The following XPNPEP1 variants were observed in gnomAD, a reference collection of about 807,000 sequenced individuals.
The protein encoded by XPNPEP1 is X-prolyl aminopeptidase 1.
XPNPEP1 carries 39 observed loss-of-function variants against 92.4 expected under a neutral mutation model. The observed-to-expected ratio is 0.42, with a 90% CI of 0.33 to 0.55. The LOEUF is 0.55. XPNPEP1 is among the 20% of genes least tolerant of loss of function. The pLI, the probability that XPNPEP1 is intolerant of heterozygous loss-of-function variation, is 0.08. For missense variants in XPNPEP1, 654 were observed against 856.1 expected, an observed-to-expected ratio of 0.76 and a Z score of 2.95; for synonymous variants, 307 against 299.4, an observed-to-expected ratio of 1.03 and a Z score of -0.26.
intron 2 of XPNPEP1, among the ~76,000 whole-genome samples, chr10:109,914,642 C>T (rs1385528286): frequency 1.3e-5 from 2 of 151,718 alleles, no homozygotes; most frequent in Non-Finnish European, 2.9e-5. Flanking sequence ...ACTAAAAATA[C>T]AAAATTAGCT....
chr10:109,890,725 T>C (rs1272106374), intron 5 of XPNPEP1, among the ~76,000 whole-genome samples: 5 of 152,134 alleles, frequency 3.3e-5, no homozygotes, highest in African/African-American at 1.2e-4. Context: ...CTTAATCCAA[T>C]GCCAAGACAA....
chr10:109,866,162 G>C (rs891360992), intron 20 of XPNPEP1, among the ~76,000 whole-genome samples: 6 of 152,336 alleles, frequency 3.9e-5, no homozygotes, highest in African/African-American at 1.4e-4. Context: ...TGTCATAAAT[G>C]AGTCAAAGGC....
chr10:109,908,119 AC>A (rs1332687801), intron 2 of XPNPEP1, among the ~76,000 whole-genome samples: 2 of 152,234 alleles, frequency 1.3e-5, no homozygotes, highest in Admixed American at 6.5e-5. Context: ...AGATAAGTAC[AC>A]AGAAATTTAG....
rs571442747 is a variant in XPNPEP1 at position 109,912,247 on chromosome 10, C to T, written c.121+2764G>A. 8.1e-4 allele frequency among the ~76,000 whole-genome samples: 124 copies of T among 152,286 alleles called. 1 individual carries two copies. The highest frequency in any genetic ancestry group is 2.9e-3 in the African/African-American group (119 of 41,554). On this transcript the variant is annotated intron_variant, in intron 2 of 20. Coordinates refer to ENST00000502935, the MANE Select transcript of XPNPEP1 (RefSeq NM_020383.4). The stretch of plus-strand genomic sequence containing the variant: ...CTTCCTACTTCCTCATCCTTCAGGC[C>T]GATCACATTCATGTTCTGGGTGCAA...
chr10:109,882,583 T>G lies in XPNPEP1; in HGVS notation c.890A>C (p.Asp297Ala). 1 of 1,614,072 alleles carries G rather than the reference T, an allele frequency of 6.2e-7. No individual in the cohort carries two copies. The highest frequency in any genetic ancestry group is 8.5e-7 in the Non-Finnish European group (1 of 1,180,024). Residue 297 changes from aspartate (D) to alanine (A), a missense_variant, in exon 10 of 21, where the codon GAC becomes GCC. Physicochemically the swap from Asp to Ala is moderately radical, Grantham distance 126 (BLOSUM62 -2). Coordinates refer to ENST00000502935, the MANE Select transcript of XPNPEP1 (RefSeq NM_020383.4). ...APSVKEHLLL[D>A]LGLEAEYRIQ... is the part of the protein sequence containing the mutation. ...CCTGTATTCGGCTTCCAGACCCAAG[T>G]CAAGAAGCAGGTGCTCCTTCACACT...
intron 8 of XPNPEP1, among the ~76,000 whole-genome samples, chr10:109,885,706 AT>A (rs1848351811): frequency 1.3e-5 from 2 of 152,234 alleles, no homozygotes; most frequent in Non-Finnish European, 2.9e-5. Flanking sequence ...GTTCAACCAG[AT>A]TCCGTCAGGT....
chr10:109,883,151 T>A (rs1848200728), intron 9 of XPNPEP1, among the ~76,000 whole-genome samples: 1 of 152,228 alleles, frequency 6.6e-6, no homozygotes, highest in East Asian at 1.9e-4. Context: ...CTCCTGAATG[T>A]GGCCCACAAG....
intron 5 of XPNPEP1, among the ~76,000 whole-genome samples, chr10:109,889,257 C>T (rs504595): frequency 0.05 from 7,681 of 152,306 alleles, 290 homozygotes; most frequent in Non-Finnish European, 0.078. Flanking sequence ...GGCTAGAGTG[C>T]GGTGGCACCA....
In XPNPEP1 at chr10:109,915,052, G is replaced by T. The variant is rs1160720607; in HGVS notation, c.80C>A (p.Pro27His). Reference protein sequence around the residue: ...FQLRNLRIIEPNEVTHSGDTG... With the variant: ...FQLRNLRIIEHNEVTHSGDTG... Reference sequence around the variant, plus strand: ...GTCTCCTGAGTGTGTCACCTCGTTAGGTTCAATTATTCTTAAATTTCTCAG... The same window carrying T: ...GTCTCCTGAGTGTGTCACCTCGTTATGTTCAATTATTCTTAAATTTCTCAG... The change falls in exon 2 of 21, where the codon CCT becomes CAT. Residue 27 changes from proline to histidine, a missense_variant. Transcript: ENST00000502935. 4.6e-6 allele frequency: 7 copies of T among 1,530,498 alleles called. No individual in the cohort carries two copies. In the Middle Eastern group the frequency reaches 5.0e-4, roughly 110 times the overall value. 94.8% of individuals were successfully genotyped at this position (1,530,498 alleles called of 1,614,324 possible). A position where few individuals can be genotyped will look rare whatever the true frequency, so the allele number is the denominator to read the frequency against.
chr10:109,891,603 G>T, intron 5 of XPNPEP1, 119 bp downstream of exon 5: 2 of 766,748 alleles, frequency 2.6e-6, no homozygotes, highest in South Asian at 2.8e-5. Flanking sequence ...AGTTTTCCTT[G>T]GATTCTCAAA....
In XPNPEP1 at chr10:109,865,241, G is replaced by C; in HGVS notation, c.1944C>G (p.Arg648=). 6.2e-7 allele frequency: 1 copy of C among 1,614,132 alleles called. No homozygotes were observed. The highest frequency in any genetic ancestry group is 8.5e-7 in the Non-Finnish European group (1 of 1,180,028). ...VIGKELQKQG[R]QEALEWLIRE... ...TGATGAGCCACTCGAGAGCTTCCTG[G>C]CGGCCCTGTTTCTGCAATTCCTTCC... The change falls in exon 21 of 21, where the codon CGC becomes CGG. Residue 648 remains arginine (R), a synonymous_variant. Transcript: ENST00000502935.
intron 20 of XPNPEP1, among the ~76,000 whole-genome samples, chr10:109,866,990 T>C (rs1847180718): frequency 6.6e-6 from 1 of 152,184 alleles, no homozygotes; most frequent in Non-Finnish European, 1.5e-5. Context: ...CTTCCCTGGA[T>C]AAAGGGGAAT....
chr10:109,903,658 A>T (rs749493008), intron 3 of XPNPEP1, among the ~76,000 whole-genome samples: 4 of 152,180 alleles, frequency 2.6e-5, no homozygotes, highest in Non-Finnish European at 5.9e-5. Flanking sequence ...GAGGGGCCCA[A>T]AGAAAAGAAA....
intron 20 of XPNPEP1, among the ~76,000 whole-genome samples, chr10:109,865,672 T>A (rs753874561): frequency 6.6e-6 from 1 of 152,242 alleles, no homozygotes; most frequent in Non-Finnish European, 1.5e-5. Context: ...GAACTCCTGC[T>A]GAGAGAGACA....
At chr10:109,905,437 T>C (rs142213522) in intron 3 of XPNPEP1, among the ~76,000 whole-genome samples, 1,893 of 152,270 alleles carry the variant, frequency 0.012, 35 homozygotes, top group African/African-American at 0.043. Context: ...CTCCAACTCC[T>C]GACCTCATGA....
At chr10:109,915,221 C>T (rs1333553596) in intron 1 of XPNPEP1, 122 bp from the exon 2 acceptor site, 4 of 463,286 alleles carry the variant, frequency 8.6e-6, no homozygotes, top group Non-Finnish European at 1.5e-5. Flanking sequence ...AACTTTCACC[C>T]CCATTATCAG....
intron 3 of XPNPEP1, among the ~76,000 whole-genome samples, chr10:109,905,410 A>T (rs973733288): frequency 6.6e-6 from 1 of 152,130 alleles, no homozygotes; most frequent in Non-Finnish European, 1.5e-5. Context: ...GGGTTTCACC[A>T]TGTTGGTCAG....
chr10:109,892,317 A>G (rs1477482585), intron 4 of XPNPEP1, among the ~76,000 whole-genome samples: 3 of 152,060 alleles, frequency 2.0e-5, no homozygotes, highest in Admixed American at 2.0e-4. Context: ...TCCTACCTTT[A>G]TCTGCCCTCC....
chr10:109,884,011 C>T (rs1406957329), intron 9 of XPNPEP1, 56 bp downstream of exon 9: 1 of 1,548,750 alleles, frequency 6.5e-7, no homozygotes, highest in African/African-American at 1.4e-5. Flanking sequence ...AGAAAGGGCA[C>T]ACTAGGGCTC....
Sources: allele counts gnomAD v4.1 joint callset (sites outside exome capture counted in the v4.1 genomes callset), GRCh38; gene constraint gnomAD v4.1.1; transcripts MANE v1.5; gene names NCBI Gene and HGNC (gene_info 2026-07-23, HGNC 2026-07-21).